ENGASE: variants seen among roughly 807,000 people sequenced by gnomAD.
ENGASE encodes the protein cytosolic endo-beta-N-acetylglucosaminidase.
In ENGASE, 69 loss-of-function variants were observed where a neutral mutation model predicts 78.5. That is an observed-to-expected ratio of 0.88 (90% CI 0.72 to 1.07). The LOEUF (loss-of-function observed/expected upper bound fraction) is 1.07. ENGASE is among the 50% of genes least tolerant of loss of function. ENGASE has a pLI of 0.00. For missense variants in ENGASE, 943 were observed against 988.4 expected (o/e 0.95, Z 0.62); for synonymous variants, 408 against 408.9 (o/e 1.00, Z 0.03).
chr17:79,085,327 G>A lies in ENGASE; in HGVS notation c.1685G>A (p.Gly562Glu), dbSNP rs1219488109. 2 of 1,611,354 alleles carry A rather than the reference G, an allele frequency of 1.2e-6. No individual in the cohort carries two copies. The highest frequency in any genetic ancestry group is 1.7e-6 in the Non-Finnish European group (2 of 1,179,164). The part of the protein sequence containing the change: ...WVGRCGRQLS[G>E]GWVQHCYEVS... The stretch of plus-strand genomic sequence containing the variant: ...GGCCGCTGCGGCCGGCAGCTGAGTG[G>A]GGGCTGGGTCCAGCAGTAAGTCCCT... Residue 562 changes from glycine to glutamate, a missense_variant, in exon 12 of 14, where the codon GGG becomes GAG. Transcript: ENST00000579016.
intron 11 of ENGASE, among the ~76,000 whole-genome samples, chr17:79,085,004 G>A (rs1366968090): frequency 6.6e-6 from 1 of 152,146 alleles, no homozygotes; most frequent in Non-Finnish European, 1.5e-5. Context: ...ATGGGGTGGG[G>A]GAGACGGCAG....
intron 4 of ENGASE, 88 bp downstream of exon 4, chr17:79,079,725 CTGCT>C: frequency 6.5e-7 from 1 of 1,532,112 alleles, no homozygotes; most frequent in East Asian, 2.3e-5. Flanking sequence ...CGGGCTTTGC[CTGCT>C]TCTCAGTGCC....
chr17:79,082,185 G>T (rs548593245), intron 7 of ENGASE, 122 bp downstream of exon 7: 1 of 1,582,066 alleles, frequency 6.3e-7, no homozygotes, highest in Non-Finnish European at 8.6e-7. Flanking sequence ...TCTTCCCAGA[G>T]TGGGGATCCC....
In ENGASE at chr17:79,087,977, G is replaced by T. The variant is rs924085563; in HGVS notation, c.*1628G>T. On this transcript the variant is annotated 3_prime_UTR_variant, in exon 14 of 14. Transcript: ENST00000579016. Reference sequence around the variant, plus strand: ...GAACATTCTCCCATGTCTCTTGTGTGGTCCCAGAAGGAGAAGTGAGTTTGC... The same window carrying T: ...GAACATTCTCCCATGTCTCTTGTGTTGTCCCAGAAGGAGAAGTGAGTTTGC... 4 of 152,248 alleles carry T rather than the reference G, an allele frequency of 2.6e-5. No individual in the cohort carries two copies. Among genetic ancestry groups the T allele is most frequent in the Non-Finnish European group, 5.9e-5 (4 of 68,074 alleles). The allele number at this position is 152,248 out of a possible 1,614,324, so 9.4% of individuals were successfully genotyped here.
At position 79,086,815 on chromosome 17, in the gene ENGASE, A is replaced by G. The variant is rs1165195864; in HGVS notation, c.*466A>G. 7.4e-6 allele frequency: 3 copies of G among 406,084 alleles called. No homozygotes were observed. The East Asian group carries it at 2.1e-4, about 29-fold the overall frequency. 25.2% of individuals were successfully genotyped at this position (406,084 alleles called of 1,614,324 possible). ...CGAGACATTTCTGAGCATGAGGACGAGCTACAGCAGCTCCTGGGGTGGGGC... is the reference window on the plus strand; with the variant it reads ...CGAGACATTTCTGAGCATGAGGACGGGCTACAGCAGCTCCTGGGGTGGGGC... On this transcript the variant is annotated 3_prime_UTR_variant, in exon 14 of 14. Coordinates refer to ENST00000579016, the MANE Select transcript of ENGASE (RefSeq NM_001042573.3).
chr17:79,078,205 T>A (rs189238435), intron 3 of ENGASE, among the ~76,000 whole-genome samples: 222 of 152,182 alleles, frequency 1.5e-3, no homozygotes, highest in South Asian at 4.4e-3. Context: ...CCAGGCATGG[T>A]GGCAGGTGCC....
intron 7 of ENGASE, 40 bp from the exon 8 acceptor site, chr17:79,082,980 C>T (rs370885670): frequency 6.2e-5 from 99 of 1,602,934 alleles, no homozygotes; most frequent in Non-Finnish European, 8.1e-5. Flanking sequence ...TGTCTGGACT[C>T]TGGTCCTGAT....
intron 3 of ENGASE, among the ~76,000 whole-genome samples, chr17:79,078,896 C>A (rs560807015): frequency 6.6e-6 from 1 of 152,168 alleles, no homozygotes; most frequent in South Asian, 2.1e-4. Context: ...TCCTGCTTCC[C>A]CTCCTTTCTC....
chr17:79,078,547 A>T (rs2073026624), intron 3 of ENGASE, among the ~76,000 whole-genome samples: 1 of 152,098 alleles, frequency 6.6e-6, no homozygotes, highest in Non-Finnish European at 1.5e-5. Context: ...TTCTTCCCTT[A>T]AGCTCTGATC....
chr17:79,081,135 G>T lies in ENGASE; in HGVS notation c.872+62G>T. 8.0e-6 allele frequency: 11 copies of T among 1,374,152 alleles called. 3 individuals carry two copies. The highest frequency in any genetic ancestry group is 9.8e-6 in the Non-Finnish European group (10 of 1,020,462). The allele number at this position is 1,374,152 out of a possible 1,614,324, so 85.1% of individuals were successfully genotyped here. ...CCGTGGTGGGGGCGGGTACTGTGAG[G>T]GGTGGGTGCCGCAAGGGGCGGGCGC... On this transcript the variant is annotated intron_variant, in intron 6 of 13. Coordinates refer to ENST00000579016, the MANE Select transcript of ENGASE (RefSeq NM_001042573.3).
At chr17:79,078,647 C>T (rs1452954286) in intron 3 of ENGASE, among the ~76,000 whole-genome samples, 3 of 152,302 alleles carry the variant, frequency 2.0e-5, no homozygotes, top group East Asian at 1.9e-4. Flanking sequence ...CCAAAGTTGC[C>T]GTGGAGTCCG....
chr17:79,075,815 T>C, intron 1 of ENGASE: 5 of 985,348 alleles, frequency 5.1e-6, no homozygotes, highest in Non-Finnish European at 6.0e-6. Context: ...GGCTGGCTGC[T>C]GGGAAAGATA....
chr17:79,084,026 G>A, intron 10 of ENGASE, 75 bp downstream of exon 10: 25 of 1,350,496 alleles, frequency 1.9e-5, no homozygotes, highest in Non-Finnish European at 2.5e-5. Flanking sequence ...CTGGACAGAT[G>A]GGGCAGTGGA....
chr17:79,084,143 C>A (rs2073224867), intron 10 of ENGASE, 192 bp downstream of exon 10: 4 of 598,190 alleles, frequency 6.7e-6, no homozygotes, highest in South Asian at 6.5e-5. Context: ...GTGAACGGTA[C>A]AGGAGTGTTA....
At chr17:79,079,940 G>A (rs573924368) in intron 4 of ENGASE, among the ~76,000 whole-genome samples, 2 of 152,262 alleles carry the variant, frequency 1.3e-5, no homozygotes, top group African/African-American at 4.8e-5. Flanking sequence ...AGTGGGCATC[G>A]GCCCAAGGGC....
At position 79,086,584 on chromosome 17, in the gene ENGASE, T is replaced by C. The variant is rs2073319745; in HGVS notation, c.*235T>C. 1 of 580,826 alleles carries C rather than the reference T, an allele frequency of 1.7e-6. No individual in the cohort carries two copies. Among genetic ancestry groups the C allele is most frequent in the South Asian group, 2.2e-5 (1 of 45,476 alleles). 36.0% of individuals were successfully genotyped at this position (580,826 alleles called of 1,614,324 possible). ...GTCACTGCGAGGCGAGTGGCGGGCT[T>C]TCTGTTTCTGCCTTGTCCCTCCCCA... On this transcript the variant is annotated 3_prime_UTR_variant, in exon 14 of 14. Coordinates refer to ENST00000579016, the MANE Select transcript of ENGASE (RefSeq NM_001042573.3).
rs558315648 is a variant in ENGASE at position 79,079,564 on chromosome 17, C to T, written c.492C>T (p.Phe164=). Residue 164 remains phenylalanine (F), a synonymous_variant, in exon 4 of 14, where the codon TTC becomes TTT. Coordinates refer to ENST00000579016, the MANE Select transcript of ENGASE (RefSeq NM_001042573.3). ...AGTGCATCGACGTCTTTGTGTACTT[C>T]AGCCACCACACCGTCACCATTCCCC... ...HWQCIDVFVY[F]SHHTVTIPPV... 21 of 1,614,006 alleles carry T rather than the reference C, an allele frequency of 1.3e-5. No homozygotes were observed. The South Asian group carries it at 1.6e-4, about 13-fold the overall frequency.
In ENGASE at chr17:79,083,633, C is replaced by G; in HGVS notation, c.1251+43C>G. ...CTCCGTGTCTGTCCTCTGGCCTCAG[C>G]TGGGACAGGTGGGAGGAGCCTGGGA... On this transcript the variant is annotated intron_variant, in intron 9 of 13. Transcript: ENST00000579016. The surrounding 1 kb of genome is among the most constrained non-coding windows in gnomAD (Gnocchi z 4.9). 6.3e-7 allele frequency: 1 copy of G among 1,586,656 alleles called. No individual in the cohort carries two copies. Among genetic ancestry groups the G allele is most frequent in the Non-Finnish European group, 8.7e-7 (1 of 1,156,066 alleles).
intron 4 of ENGASE, among the ~76,000 whole-genome samples, chr17:79,079,967 C>T (rs1289997158): frequency 6.6e-6 from 1 of 152,254 alleles, no homozygotes; most frequent in Non-Finnish European, 1.5e-5. Context: ...TTGCCGATTC[C>T]TGGGTCAGAA....
Sources: allele counts gnomAD v4.1 joint callset (sites outside exome capture counted in the v4.1 genomes callset), GRCh38; gene constraint gnomAD v4.1.1; non-coding constraint Gnocchi (gnomAD v3.1); transcripts MANE v1.5; gene names NCBI Gene and HGNC (gene_info 2026-07-23, HGNC 2026-07-21).